The following GNAQ variants were observed in gnomAD, a reference collection of about 807,000 sequenced individuals.
GNAQ encodes the protein guanine nucleotide-binding protein G(q) subunit alpha.
Under a neutral mutation model 43.9 loss-of-function variants are expected in GNAQ, and 8 were observed. The ratio of observed to expected loss-of-function variants is 0.18; its 90% CI spans 0.11 to 0.33. The LOEUF is 0.33. Ranked by LOEUF, GNAQ falls within the 10% of genes least tolerant of loss-of-function variation. The probability of loss-of-function intolerance (pLI) is 1.00; values close to 1 mark genes in which losing one functional copy is unlikely to be tolerated. For synonymous variants in GNAQ, 155 were observed against 170.7 expected, an observed-to-expected ratio of 0.91 and a Z score of 0.71; for missense variants, 158 against 450.8, an observed-to-expected ratio of 0.35 and a Z score of 5.88.
chr9:77,889,688 C>T (rs1273483461), intron 2 of GNAQ, among the ~76,000 whole-genome samples: 1 of 152,000 alleles, frequency 6.6e-6, no homozygotes, highest in Non-Finnish European at 1.5e-5. Context: ...TGTTTTTTCT[C>T]TTCCCTTTAT....
intron 1 of GNAQ, among the ~76,000 whole-genome samples, chr9:77,932,940 T>C (rs1448917885): frequency 6.6e-6 from 1 of 151,354 alleles, no homozygotes; most frequent in Non-Finnish European, 1.5e-5. Context: ...ATGGATGAAG[T>C]GAAAAAGGGA....
At chr9:77,806,987 C>T (rs1826839877) in intron 3 of GNAQ, among the ~76,000 whole-genome samples, 1 of 152,186 alleles carries the variant, frequency 6.6e-6, no homozygotes, top group Non-Finnish European at 1.5e-5. Context: ...CTCCCATGGT[C>T]ATGTCAGTTA....
intron 2 of GNAQ, among the ~76,000 whole-genome samples, chr9:77,921,469 CAG>C (rs1229603703): frequency 1.3e-5 from 2 of 152,168 alleles, no homozygotes; most frequent in Non-Finnish European, 2.9e-5. Context: ...TATTTTCACT[CAG>C]GGGAGAAGTG....
rs1491441090 is a variant in GNAQ, at chr9:77,864,169, T to TA, written c.322-48400_322-48399insT. Among the ~76,000 whole-genome samples the TA allele has an allele frequency of 5.3e-4, 46 of 86,952 alleles. 1 individual carries two copies. The South Asian group carries it at 0.016, about 30-fold the overall frequency. 57.0% of individuals were successfully genotyped at this position (86,952 alleles called of 152,430 possible). A position where few individuals can be genotyped will look rare whatever the true frequency, so the allele number is the denominator to read the frequency against. ...GAAAGAGGGGAGGAAGGTGCCAGGC[T>TA]TTTTTTTTTTTTTTTTTAAACAATT... On this transcript the variant is annotated intron_variant, in intron 2 of 6. Transcript: ENST00000286548.
intron 2 of GNAQ, among the ~76,000 whole-genome samples, chr9:77,863,848 G>C (rs1386675699): frequency 6.6e-6 from 1 of 152,174 alleles, no homozygotes; most frequent in Non-Finnish European, 1.5e-5. Context: ...CAGATCTCAT[G>C]AGACTTATTC....
chr9:77,928,083 C>T (rs1829095198), intron 1 of GNAQ, among the ~76,000 whole-genome samples: 1 of 152,142 alleles, frequency 6.6e-6, no homozygotes, highest in Non-Finnish European at 1.5e-5. Context: ...ATCATCAATC[C>T]ACACCTGCAA....
intron 5 of GNAQ, among the ~76,000 whole-genome samples, chr9:77,773,932 C>T (rs577408191): frequency 6.6e-6 from 1 of 152,168 alleles, no homozygotes; most frequent in South Asian, 2.1e-4. Context: ...AACAAAGCCA[C>T]AGCAAATGAT....
At chr9:77,894,111 G>T (rs959852130) in intron 2 of GNAQ, among the ~76,000 whole-genome samples, 1 of 151,698 alleles carries the variant, frequency 6.6e-6, no homozygotes, top group African/African-American at 2.4e-5. Flanking sequence ...AAGTAACAAA[G>T]CTAGCATTCC....
At chr9:77,839,670 T>G (rs1827452538) in intron 2 of GNAQ, among the ~76,000 whole-genome samples, 1 of 152,176 alleles carries the variant, frequency 6.6e-6, no homozygotes, top group Admixed American at 6.5e-5. Context: ...CTCCAAGAAC[T>G]GGAGATAACC....
At chr9:77,832,311 T>A (rs968314218) in intron 2 of GNAQ, among the ~76,000 whole-genome samples, 5 of 152,200 alleles carry the variant, frequency 3.3e-5, no homozygotes, top group African/African-American at 1.2e-4. Flanking sequence ...AAGTTCTTGC[T>A]TCAATTATTC....
chr9:77,928,030 T>A (rs984284173), intron 1 of GNAQ, among the ~76,000 whole-genome samples: 4 of 152,186 alleles, frequency 2.6e-5, no homozygotes, highest in Admixed American at 2.6e-4. Flanking sequence ...TTGGATGAAG[T>A]AGAACTAGAA....
At chr9:77,793,209 T>C (rs900780441) in intron 5 of GNAQ, among the ~76,000 whole-genome samples, 8 of 152,182 alleles carry the variant, frequency 5.3e-5, no homozygotes, top group African/African-American at 1.9e-4. Context: ...GGTAACTTAC[T>C]GTCATATATT....
intron 1 of GNAQ, among the ~76,000 whole-genome samples, chr9:77,950,513 G>T (rs1236522406): frequency 6.6e-6 from 1 of 152,168 alleles, no homozygotes; most frequent in East Asian, 1.9e-4. Flanking sequence ...ATCTACTAAA[G>T]TTCCAATATC....
chr9:78,005,540 TACTC>T (rs1226595860), intron 1 of GNAQ, among the ~76,000 whole-genome samples: 2 of 152,220 alleles, frequency 1.3e-5, no homozygotes, highest in Non-Finnish European at 2.9e-5. Context: ...AATAATGTCT[TACTC>T]ACAGTAGTTA....
chr9:77,929,835 C>G (rs1564154851), intron 1 of GNAQ, among the ~76,000 whole-genome samples: 1 of 152,074 alleles, frequency 6.6e-6, no homozygotes, highest in Admixed American at 6.6e-5. Context: ...GTCACACACA[C>G]AAAAATTTTT....
chr9:77,919,451 A>G (rs1828963416), intron 2 of GNAQ, among the ~76,000 whole-genome samples: 1 of 152,144 alleles, frequency 6.6e-6, no homozygotes, highest in African/African-American at 2.4e-5. Context: ...CAGTAGGATT[A>G]CTTAGCACTA....
chr9:77,839,877 A>G (rs922529067), intron 2 of GNAQ, among the ~76,000 whole-genome samples: 2 of 152,192 alleles, frequency 1.3e-5, no homozygotes, highest in African/African-American at 2.4e-5. Flanking sequence ...CTTCCCTAAT[A>G]CTTTAGCATT....
At chr9:78,005,196 C>T (rs1296454299) in intron 1 of GNAQ, among the ~76,000 whole-genome samples, 1 of 152,092 alleles carries the variant, frequency 6.6e-6, no homozygotes, top group Non-Finnish European at 1.5e-5. Context: ...CAGGTGGGCA[C>T]CACCACACCC....
chr9:77,962,652 G>A (rs779276852), intron 1 of GNAQ, among the ~76,000 whole-genome samples: 13 of 152,206 alleles, frequency 8.5e-5, no homozygotes, highest in Non-Finnish European at 1.6e-4. Context: ...AACTTTGGGA[G>A]GCCGAGGCGG....
Sources: allele counts gnomAD v4.1 joint callset (sites outside exome capture counted in the v4.1 genomes callset), GRCh38; gene constraint gnomAD v4.1.1; transcripts MANE v1.5; gene names NCBI Gene and HGNC (gene_info 2026-07-23, HGNC 2026-07-21).